The following GLIS3 variants were observed in gnomAD, a reference collection of about 807,000 sequenced individuals.
The protein encoded by GLIS3 is zinc finger protein GLIS3.
Under a neutral mutation model 78.6 loss-of-function variants are expected in GLIS3, and 53 were observed. That is an observed-to-expected ratio of 0.67 (90% CI 0.54 to 0.85). The LOEUF (loss-of-function observed/expected upper bound fraction) is 0.85. Among genes scored for constraint, GLIS3 ranks in the 40% least tolerant of loss-of-function variants. GLIS3 has a pLI of 0.00. For missense variants in GLIS3, 1,703 were observed against 1,231.1 expected (o/e 1.38, Z -5.74); for synonymous variants, 684 against 509.9 (o/e 1.34, Z -4.60).
the GLIS3 span, among the ~76,000 whole-genome samples, chr9:4,472,741 G>T: frequency 6.6e-6 from 1 of 151,998 alleles, no homozygotes; most frequent in African/African-American, 2.4e-5. Flanking sequence ...ATGTACCCTA[G>T]AACTTAAAGC....
At position 3,898,680 on chromosome 9, in the gene GLIS3, G is replaced by T. The variant is rs1348223952; in HGVS notation, c.2128+11C>A. The stretch of plus-strand genomic sequence containing the variant: ...GGTAGTTGTGGTTGGCTCTGCCTTT[G>T]CTGTCTTTACCTGAATAGAGGTCAG... On this transcript the variant is annotated intron_variant, in intron 7 of 10. Transcript: ENST00000381971. 2 of 1,614,024 alleles carry T rather than the reference G, an allele frequency of 1.2e-6. No homozygotes were observed. The highest frequency in any genetic ancestry group is 1.7e-5 in the Admixed American group (1 of 60,014).
chr9:4,122,660 T>C (rs553985496), intron 3 of GLIS3, among the ~76,000 whole-genome samples: 14 of 152,282 alleles, frequency 9.2e-5, no homozygotes, highest in Middle Eastern at 3.4e-3. Context: ...TTTATGAAAA[T>C]TCAATCATAA....
At position 3,848,733 on chromosome 9, in the gene GLIS3, A is replaced by G. The variant is rs1003452637; in HGVS notation, c.2473+7276T>C. ...CTCTGATATTTCTACAGTTTGAAAG[A>G]TGCTTTGGCTCTTTGGTGGGACAAG... On this transcript the variant is annotated intron_variant, in intron 9 of 10. Coordinates refer to ENST00000381971, the MANE Select transcript of GLIS3 (RefSeq NM_001042413.2). 7.2e-5 allele frequency among the ~76,000 whole-genome samples: 11 copies of G among 152,310 alleles called. 1 individual carries two copies. Among genetic ancestry groups the G allele is most frequent in the Non-Finnish European group, 1.6e-4 (11 of 68,022 alleles).
chr9:4,131,905 T>A (rs1272512768), intron 2 of GLIS3, among the ~76,000 whole-genome samples: 4 of 152,180 alleles, frequency 2.6e-5, no homozygotes, highest in Admixed American at 1.3e-4. Flanking sequence ...TACATGCCTG[T>A]CATTGCTTTT....
At chr9:4,283,261 G>GTT (rs369306104) in intron 2 of GLIS3, among the ~76,000 whole-genome samples, 37 of 76,376 alleles carry the variant, frequency 4.8e-4, no homozygotes, top group African/African-American at 2.9e-3. Flanking sequence ...CTGTTTTTTT[G>GTT]TTTTTTTGTT....
At chr9:4,117,011 T>A (rs1177936353) in intron 4 of GLIS3, among the ~76,000 whole-genome samples, 1 of 152,062 alleles carries the variant, frequency 6.6e-6, no homozygotes, top group African/African-American at 2.4e-5. Context: ...AAATAGTAAA[T>A]TTTGCCAAGA....
the GLIS3 span, among the ~76,000 whole-genome samples, chr9:4,362,521 T>G: frequency 6.6e-6 from 1 of 152,338 alleles, no homozygotes; most frequent in East Asian, 1.9e-4. Context: ...AGCAACGGCT[T>G]ATTTTTCAAA....
intron 4 of GLIS3, among the ~76,000 whole-genome samples, chr9:3,951,560 C>T (rs899550707): frequency 2.0e-5 from 3 of 151,790 alleles, no homozygotes; most frequent in Non-Finnish European, 2.9e-5. Context: ...GAAAAATAGA[C>T]CACTGGCAGC....
At chr9:4,083,940 T>A (rs187487032) in intron 4 of GLIS3, among the ~76,000 whole-genome samples, 142 of 152,286 alleles carry the variant, frequency 9.3e-4, no homozygotes, top group African/African-American at 3.2e-3. Flanking sequence ...AGAAACTGCC[T>A]CTGTTTAACT....
chr9:4,383,004 T>C, the GLIS3 span, among the ~76,000 whole-genome samples: 1 of 152,180 alleles, frequency 6.6e-6, no homozygotes, highest in African/African-American at 2.4e-5. Context: ...ATCTGTCTAT[T>C]TTCCTAAAAG....
intron 4 of GLIS3, among the ~76,000 whole-genome samples, chr9:3,942,369 G>C (rs539173194): frequency 1.3e-5 from 2 of 152,096 alleles, no homozygotes; most frequent in African/African-American, 4.8e-5. Context: ...ACTGACTGAC[G>C]AAGTATATGC....
At chr9:3,956,028 C>CCAAA (rs1491307787) in intron 4 of GLIS3, among the ~76,000 whole-genome samples, 2 of 87,626 alleles carry the variant, frequency 2.3e-5, no homozygotes, top group Non-Finnish European at 2.3e-5. Context: ...CCAGATTCAG[C>CCAAA]AAAAAAAAAA....
At chr9:3,930,487 T>C (rs538880625) in intron 6 of GLIS3, among the ~76,000 whole-genome samples, 18 of 152,354 alleles carry the variant, frequency 1.2e-4, no homozygotes, top group African/African-American at 4.1e-4. Context: ...TTTCAGTTAG[T>C]GCTTCAATAA....
intron 4 of GLIS3, among the ~76,000 whole-genome samples, chr9:4,095,820 C>G (rs886945372): frequency 3.7e-4 from 57 of 152,112 alleles, no homozygotes; most frequent in African/African-American, 1.4e-3. Flanking sequence ...GTCTCTTAAC[C>G]CTGCCAACAA....
At chr9:4,429,930 A>T in the GLIS3 span, among the ~76,000 whole-genome samples, 1 of 152,154 alleles carries the variant, frequency 6.6e-6, no homozygotes, top group Non-Finnish European at 1.5e-5. Context: ...TAAAAAAGGA[A>T]ACTAGAGACA....
At chr9:3,887,603 A>T (rs953371011) in intron 7 of GLIS3, among the ~76,000 whole-genome samples, 1 of 152,176 alleles carries the variant, frequency 6.6e-6, no homozygotes, top group Admixed American at 6.5e-5. Context: ...ACATTTCCAC[A>T]TCATGCAGCT....
the GLIS3 span, among the ~76,000 whole-genome samples, chr9:4,365,684 A>G: frequency 1.3e-5 from 2 of 152,252 alleles, no homozygotes; most frequent in Non-Finnish European, 2.9e-5. Context: ...CGTCATCTGA[A>G]AAACTGGATG....
At chr9:4,292,848 A>G (rs17660864) in intron 1 of GLIS3, among the ~76,000 whole-genome samples, 3,576 of 152,314 alleles carry the variant, frequency 0.023, 76 homozygotes, top group Non-Finnish European at 0.037. Context: ...AGTCTTTCAA[A>G]ATGTGTTCTT....
chr9:4,459,581 C>G, the GLIS3 span, among the ~76,000 whole-genome samples: 1 of 152,146 alleles, frequency 6.6e-6, no homozygotes, highest in African/African-American at 2.4e-5. Flanking sequence ...CTGGGCAACA[C>G]AGTGAGACCT....
Sources: allele counts gnomAD v4.1 joint callset (sites outside exome capture counted in the v4.1 genomes callset), GRCh38; gene constraint gnomAD v4.1.1; transcripts MANE v1.5; gene names NCBI Gene and HGNC (gene_info 2026-07-23, HGNC 2026-07-21).